Variants in PRELID2 observed in about 807,000 individuals in gnomAD.
PRELID2 encodes the protein PRELI domain-containing protein 2.
Under a neutral mutation model 28.4 loss-of-function variants are expected in PRELID2, and 25 were observed. That is an observed-to-expected ratio of 0.88 (90% confidence interval 0.64 to 1.23). PRELID2 has a LOEUF of 1.23. Among genes scored for constraint, PRELID2 ranks in the 50% most tolerant of loss-of-function variants. The pLI is 0.00. For missense variants in PRELID2, 201 were observed against 214.4 expected (o/e 0.94, Z 0.39); for synonymous variants, 76 against 71.6 (o/e 1.06, Z -0.31).
At chr5:145,777,276 C>T (rs1758469684) in intron 5 of PRELID2, among the ~76,000 whole-genome samples, 1 of 152,150 alleles carries the variant, frequency 6.6e-6, no homozygotes, top group Non-Finnish European at 1.5e-5. Flanking sequence ...AATTGTAGCT[C>T]ACTGAGGCCT....
chr5:145,520,263 T>C (rs1399490204), intron 1 of PRELID2, among the ~76,000 whole-genome samples: 2 of 152,318 alleles, frequency 1.3e-5, no homozygotes, highest in Non-Finnish European at 2.9e-5. Flanking sequence ...GTGACTTCAA[T>C]AGCAGCCATT....
chr5:145,644,835 T>G (rs554751883), intron 1 of PRELID2, among the ~76,000 whole-genome samples: 2 of 152,340 alleles, frequency 1.3e-5, no homozygotes, highest in South Asian at 2.1e-4. Context: ...TTGAGTGAGT[T>G]TCTTAATCCT....
chr5:145,781,580 G>A (rs1751597269), intron 5 of PRELID2, among the ~76,000 whole-genome samples: 1 of 147,622 alleles, frequency 6.8e-6, no homozygotes, highest in Non-Finnish European at 1.5e-5. Flanking sequence ...GTATGTGTGT[G>A]TATATAGATA....
chr5:145,671,614 G>A (rs1352963717), intron 1 of PRELID2, among the ~76,000 whole-genome samples: 1 of 152,106 alleles, frequency 6.6e-6, no homozygotes, highest in African/African-American at 2.4e-5. Context: ...AGAGTCTATG[G>A]CATATAAACA....
At chr5:145,314,553 C>T in the PRELID2 span, among the ~76,000 whole-genome samples, 1 of 151,494 alleles carries the variant, frequency 6.6e-6, no homozygotes, top group Non-Finnish European at 1.5e-5. Context: ...TTTGAAGGAA[C>T]TTTTATTTTT....
downstream of PRELID2, among the ~76,000 whole-genome samples, chr5:145,470,476 G>A (rs869211799): frequency 6.6e-6 from 1 of 151,812 alleles, no homozygotes; most frequent in Non-Finnish European, 1.5e-5. Context: ...ACACTAGTTA[G>A]GTAATTTTTA....
downstream of PRELID2, among the ~76,000 whole-genome samples, chr5:145,471,307 T>C (rs1313022085): frequency 1.3e-5 from 2 of 152,116 alleles, no homozygotes; most frequent in Non-Finnish European, 2.9e-5. Context: ...GCTATTTTCT[T>C]ACAAACCTCC....
At chr5:145,532,562 T>C (rs4913035) in intron 1 of PRELID2, among the ~76,000 whole-genome samples, 107,094 of 151,968 alleles carry the variant, frequency 0.7, 39,878 homozygotes, top group East Asian at 1. Context: ...ATCTGCAGAA[T>C]GTATTCCTCC....
At chr5:145,823,877 C>T (rs1454720941) in intron 1 of PRELID2, among the ~76,000 whole-genome samples, 1 of 152,182 alleles carries the variant, frequency 6.6e-6, no homozygotes, top group African/African-American at 2.4e-5. Context: ...TCAGTTAATT[C>T]ACAAAACCAT....
At chr5:145,289,458 A>G in the PRELID2 span, among the ~76,000 whole-genome samples, 1 of 152,168 alleles carries the variant, frequency 6.6e-6, no homozygotes, top group Non-Finnish European at 1.5e-5. Context: ...GCTAAATAAC[A>G]TTCTGGTGTA....
At chr5:145,373,122 TAC>T in the PRELID2 span, among the ~76,000 whole-genome samples, 179 of 43,314 alleles carry the variant, frequency 4.1e-3, 32 homozygotes, top group Middle Eastern at 0.025. Context: ...ATATATAATA[TAC>T]ATGATATATA....
chr5:145,745,580 G>T (rs1469472393), intron 1 of PRELID2, among the ~76,000 whole-genome samples: 2 of 152,092 alleles, frequency 1.3e-5, no homozygotes, highest in African/African-American at 4.8e-5. Context: ...AAAAGAATTG[G>T]GCCAGGTACG....
chr5:145,697,630 T>C (rs914755285), intron 1 of PRELID2, among the ~76,000 whole-genome samples: 6 of 152,192 alleles, frequency 3.9e-5, no homozygotes, highest in African/African-American at 1.4e-4. Context: ...TTCTGCTTCA[T>C]TACAGAAAAA....
the PRELID2 span, among the ~76,000 whole-genome samples, chr5:145,332,870 C>T: frequency 1.3e-5 from 2 of 152,114 alleles, no homozygotes; most frequent in Admixed American, 6.6e-5. Context: ...AATTTTCAGC[C>T]TTTTTGCACT....
chr5:145,566,314 C>T (rs1752966857), intron 1 of PRELID2, among the ~76,000 whole-genome samples: 1 of 152,120 alleles, frequency 6.6e-6, no homozygotes, highest in Non-Finnish European at 1.5e-5. Context: ...TTGCCAAGTA[C>T]ACCACACATC....
intron 1 of PRELID2, among the ~76,000 whole-genome samples, chr5:145,751,323 A>G (rs1039578937): frequency 2.0e-5 from 3 of 152,186 alleles, no homozygotes; most frequent in African/African-American, 7.2e-5. Context: ...TGGAAATTTC[A>G]GGAGTTCCAG....
At chr5:145,711,429 T>A (rs76004013) in intron 1 of PRELID2, among the ~76,000 whole-genome samples, 1 of 152,142 alleles carries the variant, frequency 6.6e-6, no homozygotes, top group African/African-American at 2.4e-5. Context: ...AGGAGGAAGC[T>A]GCCATTGATT....
At chr5:145,414,949 A>G in the PRELID2 span, among the ~76,000 whole-genome samples, 1 of 152,184 alleles carries the variant, frequency 6.6e-6, no homozygotes, top group Non-Finnish European at 1.5e-5. Context: ...GCAGTGAGAA[A>G]AAGCAATGGT....
At chr5:145,438,544 A>T in the PRELID2 span, among the ~76,000 whole-genome samples, 1 of 152,268 alleles carries the variant, frequency 6.6e-6, no homozygotes, top group East Asian at 1.9e-4. Context: ...TCATCTCCGA[A>T]TATAAACTGT....
Sources: allele counts gnomAD v4.1 joint callset (sites outside exome capture counted in the v4.1 genomes callset), GRCh38; gene constraint gnomAD v4.1.1; transcripts MANE v1.5; gene names NCBI Gene and HGNC (gene_info 2026-07-23, HGNC 2026-07-21).